The following GAS2 variants were observed in gnomAD, a reference collection of about 807,000 sequenced individuals.
GAS2 encodes growth arrest specific 2.
In GAS2, 20 loss-of-function variants were observed where a neutral mutation model predicts 37.5. That is an observed-to-expected ratio of 0.53 (90% confidence interval 0.37 to 0.77). The LOEUF (loss-of-function observed/expected upper bound fraction) is 0.77. Among genes scored for constraint, GAS2 ranks in the 30% least tolerant of loss-of-function variants. The probability of loss-of-function intolerance (pLI) is 0.00; values close to 1 mark genes in which losing one functional copy is unlikely to be tolerated. For missense variants in GAS2, 336 were observed against 373.4 expected (o/e 0.90, Z 0.82); for synonymous variants, 144 against 132.2 (o/e 1.09, Z -0.61).
chr11:22,787,607 C>A (rs773064430), intron 7 of GAS2, among the ~76,000 whole-genome samples: 13 of 152,036 alleles, frequency 8.6e-5, no homozygotes, highest in Non-Finnish European at 1.5e-4. Context: ...GAAAAAAGAT[C>A]AGCTAAATAG....
chr11:22,734,164 CA>C (rs1852625815), intron 4 of GAS2, among the ~76,000 whole-genome samples: 2 of 151,728 alleles, frequency 1.3e-5, no homozygotes, highest in African/African-American at 4.8e-5. Flanking sequence ...TACATGATTA[CA>C]TAAATAATTA....
Position 22,708,559 on chromosome 11 carries a change from C to T in GAS2, c.268-17733C>T, listed in dbSNP as rs147807000. ...AGTAACTAAAAATCCAGCATTCAAACTCAGGCAGTCTGGTTCCAAATGTAC... is the reference window on the plus strand; with the variant it reads ...AGTAACTAAAAATCCAGCATTCAAATTCAGGCAGTCTGGTTCCAAATGTAC... On this transcript the variant is annotated intron_variant, in intron 3 of 7. Coordinates refer to ENST00000454584, the MANE Select transcript of GAS2 (RefSeq NM_001143830.3). Among the ~76,000 whole-genome samples the T allele has an allele frequency of 3.3e-5, 5 of 152,292 alleles. No homozygotes were observed. The East Asian group carries it at 9.7e-4, about 29-fold the overall frequency.
intron 3 of GAS2, among the ~76,000 whole-genome samples, chr11:22,692,067 G>GAATAAA (rs1296666622): frequency 6.6e-6 from 1 of 151,814 alleles, no homozygotes; most frequent in Non-Finnish European, 1.5e-5. Context: ...AAATCATATA[G>GAATAAA]AATAAAAAGA....
intron 3 of GAS2, among the ~76,000 whole-genome samples, chr11:22,709,319 A>T (rs1455820210): frequency 2.6e-5 from 4 of 152,126 alleles, no homozygotes; most frequent in Non-Finnish European, 5.9e-5. Context: ...TACAGTAATT[A>T]CAGATGTGGT....
chr11:22,789,019 A>G (rs1855961792), intron 7 of GAS2, among the ~76,000 whole-genome samples: 2 of 151,830 alleles, frequency 1.3e-5, no homozygotes, highest in South Asian at 4.1e-4. Flanking sequence ...GAATTGTGGC[A>G]ATCACTAGGG....
intron 3 of GAS2, among the ~76,000 whole-genome samples, chr11:22,709,918 A>C (rs28490544): frequency 0.043 from 6,519 of 151,952 alleles, 215 homozygotes; most frequent in East Asian, 0.19. Context: ...AGGACAAAAA[A>C]ACCAAACACC....
At chr11:22,759,553 T>G (rs745485309) in intron 7 of GAS2, among the ~76,000 whole-genome samples, 1 of 152,252 alleles carries the variant, frequency 6.6e-6, no homozygotes, top group Non-Finnish European at 1.5e-5. Context: ...CAACATTGTT[T>G]TTTTGAACTA....
intron 7 of GAS2, among the ~76,000 whole-genome samples, chr11:22,780,016 G>A (rs1218610728): frequency 6.6e-6 from 1 of 152,186 alleles, no homozygotes; most frequent in African/African-American, 2.4e-5. Flanking sequence ...TTGACTCGGA[G>A]TTGATTGTTG....
At chr11:22,735,470 G>C (rs1203787223) in intron 4 of GAS2, among the ~76,000 whole-genome samples, 1 of 151,712 alleles carries the variant, frequency 6.6e-6, no homozygotes, top group African/African-American at 2.4e-5. Flanking sequence ...TTCTGTTAAT[G>C]AAATAAAATG....
intron 7 of GAS2, among the ~76,000 whole-genome samples, chr11:22,772,231 C>T (rs756958965): frequency 1.3e-5 from 2 of 152,132 alleles, no homozygotes; most frequent in Admixed American, 1.3e-4. Context: ...GCCCTGACCC[C>T]CATTTATCAC....
At position 22,632,899 on chromosome 11, in the gene GAS2, G is replaced by C. The variant is rs191273027; in HGVS notation, c.-21+7086G>C. 4.0e-4 allele frequency among the ~76,000 whole-genome samples: 61 copies of C among 151,800 alleles called. No homozygotes were observed. In the East Asian group the frequency reaches 9.8e-3, roughly 25 times the overall value. Reference sequence around the variant, plus strand: ...TCCCTAAATGTGTCTTTTGTTTCCAGAGTTCTGATTTTTTTTTTCTTTAAA... The same window carrying C: ...TCCCTAAATGTGTCTTTTGTTTCCACAGTTCTGATTTTTTTTTTCTTTAAA... On this transcript the variant is annotated intron_variant, in intron 1 of 5. Transcript: ENST00000528582.
upstream of GAS2, among the ~76,000 whole-genome samples, chr11:22,664,966 TGA>T (rs1848960491): frequency 6.6e-6 from 1 of 150,958 alleles, no homozygotes; most frequent in South Asian, 2.1e-4. Flanking sequence ...TCGCTCTTTC[TGA>T]GAGACAGAGG....
chr11:22,800,845 G>C (rs1169310171), intron 7 of GAS2, among the ~76,000 whole-genome samples: 4 of 151,976 alleles, frequency 2.6e-5, no homozygotes, highest in Non-Finnish European at 5.9e-5. Context: ...CTGTTGGGTA[G>C]TTTTTATTTT....
At chr11:22,679,707 T>C (rs909018193) in intron 2 of GAS2, among the ~76,000 whole-genome samples, 4 of 152,124 alleles carry the variant, frequency 2.6e-5, no homozygotes, top group African/African-American at 7.2e-5. Flanking sequence ...ATAAATTACA[T>C]GAGAGCATAT....
At chr11:22,665,233 T>TA (rs1449878512), upstream of GAS2, among the ~76,000 whole-genome samples, 1 of 152,200 alleles carries the variant, frequency 6.6e-6, no homozygotes, top group Non-Finnish European at 1.5e-5. Flanking sequence ...TTTTGAAAGT[T>TA]CAAGGTGCTA....
chr11:22,719,160 A>G (rs1450598785), intron 3 of GAS2, among the ~76,000 whole-genome samples: 3 of 152,026 alleles, frequency 2.0e-5, no homozygotes, highest in Non-Finnish European at 4.4e-5. Flanking sequence ...CACTCCACTT[A>G]TTTTTTTCTG....
intron 2 of GAS2, among the ~76,000 whole-genome samples, chr11:22,680,707 C>CT (rs941585691): frequency 1.2e-4 from 18 of 151,538 alleles, no homozygotes; most frequent in East Asian, 5.8e-4. Flanking sequence ...CAATCCCAAG[C>CT]TTTTTTTTTC....
At chr11:22,691,571 T>C (rs1850247574) in intron 3 of GAS2, among the ~76,000 whole-genome samples, 1 of 152,202 alleles carries the variant, frequency 6.6e-6, no homozygotes, top group Non-Finnish European at 1.5e-5. Flanking sequence ...GCTATACAGC[T>C]AAATGATTTT....
upstream of GAS2, among the ~76,000 whole-genome samples, chr11:22,665,574 G>A (rs1373323593): frequency 6.6e-6 from 1 of 151,956 alleles, no homozygotes; most frequent in Non-Finnish European, 1.5e-5. Flanking sequence ...CCTTCTTTTA[G>A]AAAGCTAAGG....
Sources: allele counts gnomAD v4.1 joint callset (sites outside exome capture counted in the v4.1 genomes callset), GRCh38; gene constraint gnomAD v4.1.1; transcripts MANE v1.5; gene names NCBI Gene and HGNC (gene_info 2026-07-23, HGNC 2026-07-21).